Variants in PRKAG2 observed in about 807,000 individuals in gnomAD.
The protein encoded by PRKAG2 is protein kinase AMP-activated non-catalytic subunit gamma 2, also known as 5'-AMP-activated protein kinase subunit gamma-2.
A neutral mutation model predicts 69.6 loss-of-function variants in PRKAG2; 26 were observed. The observed-to-expected ratio is 0.37, with a 90% CI of 0.27 to 0.52. PRKAG2 has a LOEUF of 0.52. Ranked by LOEUF, PRKAG2 falls within the 20% of genes least tolerant of loss-of-function variation. The pLI is 0.90. For missense variants in PRKAG2, 557 were observed against 740.0 expected (o/e 0.75, Z 2.87); for synonymous variants, 293 against 285.0 (o/e 1.03, Z -0.28).
At chr7:151,773,795 G>C (rs540077372) in intron 3 of PRKAG2, among the ~76,000 whole-genome samples, 1 of 152,268 alleles carries the variant, frequency 6.6e-6, no homozygotes, top group East Asian at 1.9e-4. Context: ...TGAAGCTAAA[G>C]ATTCACTGTT....
At chr7:151,589,878 T>C (rs995045096) in intron 6 of PRKAG2, among the ~76,000 whole-genome samples, 1 of 152,080 alleles carries the variant, frequency 6.6e-6, no homozygotes, top group African/African-American at 2.4e-5. Flanking sequence ...GAGGTTGCAG[T>C]GAGCCAAGAT....
At chr7:151,811,267 T>A (rs1205634962) in intron 1 of PRKAG2, among the ~76,000 whole-genome samples, 1 of 152,166 alleles carries the variant, frequency 6.6e-6, no homozygotes, top group Non-Finnish European at 1.5e-5. Context: ...TTATGAAGCA[T>A]CTATTATGTG....
At chr7:151,708,551 C>T (rs1362452708) in intron 3 of PRKAG2, among the ~76,000 whole-genome samples, 1 of 152,208 alleles carries the variant, frequency 6.6e-6, no homozygotes, top group African/African-American at 2.4e-5. Context: ...GCCACCGAGC[C>T]AGCCAGGTAA....
intron 1 of PRKAG2, among the ~76,000 whole-genome samples, chr7:151,820,093 G>A (rs145582540): frequency 9.9e-5 from 15 of 152,226 alleles, no homozygotes; most frequent in Admixed American, 3.9e-4. Context: ...ACTTTGTCCC[G>A]TGACCCCACA....
intron 1 of PRKAG2, among the ~76,000 whole-genome samples, chr7:151,797,827 A>G (rs1173816467): frequency 6.6e-6 from 1 of 152,146 alleles, no homozygotes; most frequent in Non-Finnish European, 1.5e-5. Context: ...CCACTCCCGC[A>G]GCATCTGGCC....
intron 3 of PRKAG2, among the ~76,000 whole-genome samples, chr7:151,721,048 G>T (rs1385851264): frequency 3.5e-5 from 5 of 144,210 alleles, no homozygotes; most frequent in Non-Finnish European, 7.6e-5. Context: ...ACAGACCAGG[G>T]TGGAGGGGCA....
At chr7:151,786,612 TG>T in intron 1 of PRKAG2, 71 bp from the exon 2 acceptor site, 2 of 1,267,640 alleles carry the variant, frequency 1.6e-6, no homozygotes, top group Non-Finnish European at 2.3e-6. Flanking sequence ...GAACTCTACG[TG>T]GGTGTCACCT....
chr7:151,863,946 C>T (rs1047070755), intron 1 of PRKAG2, among the ~76,000 whole-genome samples: 1 of 152,058 alleles, frequency 6.6e-6, no homozygotes, highest in Non-Finnish European at 1.5e-5. Context: ...TGTCCACCTG[C>T]CTTTATGCTG....
chr7:151,700,453 A>G (rs535448264), intron 3 of PRKAG2, among the ~76,000 whole-genome samples: 1 of 152,334 alleles, frequency 6.6e-6, no homozygotes, highest in Admixed American at 6.5e-5. Context: ...AGGGTGAGAT[A>G]CGCGGCTGTA....
chr7:151,873,629 A>ATAC (rs2080270908), intron 1 of PRKAG2, among the ~76,000 whole-genome samples: 1 of 152,200 alleles, frequency 6.6e-6, no homozygotes, highest in Non-Finnish European at 1.5e-5. Flanking sequence ...AACTGAATGA[A>ATAC]TACTACTTTC....
chr7:151,841,209 G>C (rs2079269669), intron 1 of PRKAG2, among the ~76,000 whole-genome samples: 1 of 152,046 alleles, frequency 6.6e-6, no homozygotes, highest in South Asian at 2.1e-4. Context: ...GCTGGTCTCG[G>C]ACTGCTGGGC....
At chr7:151,622,465 T>C (rs1202314706) in intron 5 of PRKAG2, among the ~76,000 whole-genome samples, 1 of 152,164 alleles carries the variant, frequency 6.6e-6, no homozygotes, top group Non-Finnish European at 1.5e-5. Context: ...GCAGAGCCAT[T>C]ACAATAAGTC....
At chr7:151,800,961 C>A (rs995116632) in intron 1 of PRKAG2, among the ~76,000 whole-genome samples, 1 of 152,172 alleles carries the variant, frequency 6.6e-6, no homozygotes, top group African/African-American at 2.4e-5. Context: ...CAGATGGGCA[C>A]CCTCTGAACT....
At chr7:151,562,244 C>CAAAA (rs575674668) in intron 14 of PRKAG2, among the ~76,000 whole-genome samples, 1 of 38,468 alleles carries the variant, frequency 2.6e-5, no homozygotes, top group African/African-American at 6.3e-5. Flanking sequence ...GACTTTGTCT[C>CAAAA]AAAAAAAAAA....
chr7:151,782,953 C>T (rs908931621), intron 2 of PRKAG2, among the ~76,000 whole-genome samples: 2 of 152,220 alleles, frequency 1.3e-5, no homozygotes, highest in African/African-American at 4.8e-5. Flanking sequence ...AGGGCAGACG[C>T]GGGAAATACT....
In PRKAG2 at chr7:151,729,945, G is replaced by T. The variant is rs142071143; in HGVS notation, c.466+51207C>A. 2.0e-5 allele frequency among the ~76,000 whole-genome samples: 3 copies of T among 152,150 alleles called. No homozygotes were observed. In the South Asian group the frequency reaches 6.2e-4, roughly 32 times the overall value. On this transcript the variant is annotated intron_variant, in intron 3 of 15. Coordinates refer to ENST00000287878, the MANE Select transcript of PRKAG2 (RefSeq NM_016203.4). ...GCAGACGCAAAAGGACAAACACTAC[G>T]TGATTCTATTTCTAGGAGGTCCCTG...
chr7:151,735,895 C>T, intron 3 of PRKAG2: 1 of 1,536,270 alleles, frequency 6.5e-7, no homozygotes, highest in South Asian at 1.2e-5. Flanking sequence ...TGGGCAGAGT[C>T]CTACCGAAAA....
chr7:151,752,651 A>C (rs1400810477), intron 3 of PRKAG2, among the ~76,000 whole-genome samples: 1 of 152,200 alleles, frequency 6.6e-6, no homozygotes, highest in Non-Finnish European at 1.5e-5. Context: ...ATACATACAC[A>C]CACAGGGAGA....
intron 8 of PRKAG2, among the ~76,000 whole-genome samples, chr7:151,573,954 T>C (rs1293702778): frequency 2.0e-5 from 3 of 152,116 alleles, no homozygotes; most frequent in East Asian, 1.9e-4. Flanking sequence ...AATTTTTGTA[T>C]TTTTAGTAGA....
Sources: gnomAD v4.1 joint callset for allele counts (sites outside exome capture counted in the v4.1 genomes callset) on GRCh38, gnomAD v4.1.1 for gene constraint, MANE v1.5 for transcripts, NCBI Gene and HGNC (gene_info 2026-07-23, HGNC 2026-07-21) for gene names.